The following ABI3BP variants were observed in gnomAD, a reference collection of about 807,000 sequenced individuals.
ABI3BP encodes ABI family member 3 binding protein.
Under a neutral mutation model 268.6 loss-of-function variants are expected in ABI3BP, and 216 were observed. The ratio of observed to expected loss-of-function variants is 0.80; its 90% confidence interval spans 0.72 to 0.90. ABI3BP has a LOEUF of 0.90. Ranked by LOEUF, ABI3BP falls within the 40% of genes least tolerant of loss-of-function variation. ABI3BP has a pLI of 0.00. For synonymous variants in ABI3BP, 730 were observed against 730.0 expected, an observed-to-expected ratio of 1.00 and a Z score of 0.00; for missense variants, 2,090 against 2,182.4, an observed-to-expected ratio of 0.96 and a Z score of 0.84.
intron 51 of ABI3BP, among the ~76,000 whole-genome samples, chr3:100,801,962 T>A (rs1453628015): frequency 6.6e-6 from 1 of 152,220 alleles, no homozygotes; most frequent in Non-Finnish European, 1.5e-5. Context: ...AAAAAATACA[T>A]TTATTAGGTG....
chr3:100,892,291 G>T (rs553522410), intron 4 of ABI3BP, among the ~76,000 whole-genome samples: 2 of 152,172 alleles, frequency 1.3e-5, no homozygotes, highest in South Asian at 4.2e-4. Flanking sequence ...AACAAGGAAA[G>T]GAATCACACA....
At chr3:100,926,235 T>C (rs2061765167) in intron 2 of ABI3BP, 67 bp downstream of exon 2, 14 of 1,503,994 alleles carry the variant, frequency 9.3e-6, no homozygotes, top group Admixed American at 1.8e-5. Context: ...TCAAGATTTG[T>C]AGGTCATGTT....
At position 100,845,797 on chromosome 3, in the gene ABI3BP, G is replaced by T. The variant is rs1580232338; in HGVS notation, c.1723+575C>A. 3.3e-5 allele frequency among the ~76,000 whole-genome samples: 5 copies of T among 150,192 alleles called. No homozygotes were observed. The South Asian group carries it at 1.0e-3, about 31-fold the overall frequency. The stretch of plus-strand genomic sequence containing the variant: ...TTACACAATCTTTATGTCTTTTTAT[G>T]TCTTAAATTATTATATATATAGAAT... On this transcript the variant is annotated intron_variant, in intron 20 of 67. Transcript: ENST00000471714.
In ABI3BP at chr3:100,792,686, A is replaced by C; in HGVS notation, c.4024+5T>G. On this transcript the variant is annotated splice_donor_5th_base_variant and intron_variant, in intron 55 of 67. Transcript: ENST00000471714. ...TTATTCTCCAGAGGTAGGGGAGAGG[A>C]TTACCCTGAGTTGTCTTTGCTAGTT... 6.2e-7 allele frequency: 1 copy of C among 1,610,546 alleles called. No homozygotes were observed. Among genetic ancestry groups the C allele is most frequent in the Non-Finnish European group, 8.5e-7 (1 of 1,177,520 alleles).
chr3:100,875,215 A>C (rs1475495122), intron 8 of ABI3BP, among the ~76,000 whole-genome samples: 3 of 152,234 alleles, frequency 2.0e-5, no homozygotes, highest in African/African-American at 7.2e-5. Flanking sequence ...GATTATTATC[A>C]ATAACAATGA....
At position 100,848,401 on chromosome 3, in the gene ABI3BP, A is replaced by C. The variant is rs186171364; in HGVS notation, c.1576+400T>G. The stretch of plus-strand genomic sequence containing the variant: ...CCCTTTTGGACACTTGAGTTTTGTT[A>C]TTCTGCATTATTAATTATTCATCTT... On this transcript the variant is annotated intron_variant, in intron 18 of 67. Transcript: ENST00000471714. Among the ~76,000 whole-genome samples the C allele has an allele frequency of 9.2e-5, 14 of 152,244 alleles. No individual in the cohort carries two copies. In the East Asian group the frequency reaches 2.7e-3, roughly 29 times the overall value.
At chr3:100,898,998 T>C (rs910310168) in intron 3 of ABI3BP, 104 bp from the exon 4 acceptor site, 1 of 1,243,074 alleles carries the variant, frequency 8.0e-7, no homozygotes, top group African/African-American at 1.5e-5. Context: ...ATGCAAAATG[T>C]GAAAACATCA....
chr3:100,973,664 T>A (rs1339318799), intron 1 of ABI3BP, among the ~76,000 whole-genome samples: 2 of 152,166 alleles, frequency 1.3e-5, no homozygotes, highest in Non-Finnish European at 2.9e-5. Context: ...TTAGCTAGCA[T>A]TTTCTTCCCC....
At chr3:100,791,371 T>C (rs889178163) in intron 55 of ABI3BP, among the ~76,000 whole-genome samples, 1 of 151,874 alleles carries the variant, frequency 6.6e-6, no homozygotes, top group African/African-American at 2.4e-5. Context: ...CTGAAATCTT[T>C]CTCATTTGGC....
chr3:100,829,944 T>C (rs1428510534), intron 32 of ABI3BP, among the ~76,000 whole-genome samples: 1 of 151,240 alleles, frequency 6.6e-6, no homozygotes, highest in African/African-American at 2.4e-5. Flanking sequence ...ATGGCGGTGA[T>C]GGGGGTAAGT....
chr3:100,870,431 A>AT (rs1460645027), intron 9 of ABI3BP, among the ~76,000 whole-genome samples: 1 of 151,186 alleles, frequency 6.6e-6, no homozygotes, highest in Non-Finnish European at 1.5e-5. Context: ...GCTAACAGGT[A>AT]TAAAAAAAAA....
Position 100,815,964 on chromosome 3 carries a change from A to G in ABI3BP, c.3237T>C (p.Val1079=). 1 of 1,518,868 alleles carries G rather than the reference A, an allele frequency of 6.6e-7. No individual in the cohort carries two copies. Among genetic ancestry groups the G allele is most frequent in the Non-Finnish European group, 8.8e-7 (1 of 1,141,454 alleles). The allele number at this position is 1,518,868 out of a possible 1,614,324, so 94.1% of individuals were successfully genotyped here. The change falls in exon 44 of 68, where the codon GTT becomes GTC. Residue 1079 remains valine, a synonymous_variant. Coordinates refer to ENST00000471714, the MANE Select transcript of ABI3BP (RefSeq NM_001375547.2). ...TATGAACAACAGGTTCAAAGCCTGT[A>G]ACAGAAACTAACCAAAAGCAACAAC... ...PEVPQNKSVS[V]TGFEPVVHST...
At chr3:100,965,518 AAC>A (rs1352171266) in intron 1 of ABI3BP, among the ~76,000 whole-genome samples, 6 of 149,114 alleles carry the variant, frequency 4.0e-5, no homozygotes, top group African/African-American at 1.2e-4. Flanking sequence ...AAAAAAAAAA[AAC>A]AGAGGAAGTA....
chr3:100,808,113 C>T, intron 50 of ABI3BP, 48 bp downstream of exon 50: 1 of 1,527,948 alleles, frequency 6.5e-7, no homozygotes, highest in Non-Finnish European at 9.0e-7. Flanking sequence ...CTAGAATAAC[C>T]CCACTAACCT....
chr3:100,816,585 T>C, intron 43 of ABI3BP, 103 bp downstream of exon 43: 1 of 914,668 alleles, frequency 1.1e-6, no homozygotes, highest in Non-Finnish European at 1.7e-6. Context: ...GAAAACATGA[T>C]GACTGTTACT....
At chr3:100,992,783 C>T (rs368056768) in intron 1 of ABI3BP, among the ~76,000 whole-genome samples, 3 of 152,188 alleles carry the variant, frequency 2.0e-5, no homozygotes, top group African/African-American at 2.4e-5. Context: ...TTCCAAACTC[C>T]ACTGGAGGGA....
chr3:100,911,751 T>G, intron 2 of ABI3BP: 3 of 944,132 alleles, frequency 3.2e-6, no homozygotes, highest in Non-Finnish European at 5.3e-6. Context: ...TTTCAGTCGA[T>G]GAGTAGCGTA....
intron 65 of ABI3BP, among the ~76,000 whole-genome samples, chr3:100,753,549 C>T (rs1002401498): frequency 6.6e-6 from 1 of 152,160 alleles, no homozygotes; most frequent in African/African-American, 2.4e-5. Context: ...ACCTCAGCCT[C>T]TCAGAGTGCT....
At chr3:100,799,263 C>A (rs1002924154) in intron 51 of ABI3BP, among the ~76,000 whole-genome samples, 1 of 152,136 alleles carries the variant, frequency 6.6e-6, no homozygotes, top group Non-Finnish European at 1.5e-5. Flanking sequence ...GGTCCAGCCT[C>A]CACTCATTTC....
Sources: allele counts gnomAD v4.1 joint callset (sites outside exome capture counted in the v4.1 genomes callset), GRCh38; gene constraint gnomAD v4.1.1; transcripts MANE v1.5; gene names NCBI Gene and HGNC (gene_info 2026-07-23, HGNC 2026-07-21).